SEL1L3: variants seen among roughly 807,000 people sequenced by gnomAD.
SEL1L3 encodes the protein SEL1L family member 3.
In SEL1L3, 76 loss-of-function variants were observed where a neutral mutation model predicts 142.8. The observed-to-expected ratio is 0.53, with a 90% CI of 0.44 to 0.64. SEL1L3 has a LOEUF of 0.64. Among genes scored for constraint, SEL1L3 ranks in the 30% least tolerant of loss-of-function variants. SEL1L3 has a pLI of 0.00. For synonymous variants in SEL1L3, 504 were observed against 519.6 expected, an observed-to-expected ratio of 0.97 and a Z score of 0.41; for missense variants, 1,262 against 1,381.7, an observed-to-expected ratio of 0.91 and a Z score of 1.37.
chr4:25,768,075 G>T (rs1718882136), intron 17 of SEL1L3, among the ~76,000 whole-genome samples: 1 of 152,162 alleles, frequency 6.6e-6, no homozygotes, highest in Admixed American at 6.5e-5. Flanking sequence ...ACCTCTACTG[G>T]CTGAAGGGCA....
intron 2 of SEL1L3, among the ~76,000 whole-genome samples, chr4:25,845,360 G>A (rs1716442645): frequency 6.6e-6 from 1 of 152,200 alleles, no homozygotes; most frequent in Admixed American, 6.5e-5. Context: ...ACTGGGTGTG[G>A]TGGTACATGC....
chr4:25,809,296 C>T (rs997456708), intron 9 of SEL1L3, among the ~76,000 whole-genome samples: 13 of 140,168 alleles, frequency 9.3e-5, no homozygotes, highest in African/African-American at 5.7e-5. Context: ...GGATGCACAC[C>T]GTGCTTGGCT....
chr4:25,856,835 T>A (rs1486844508), intron 1 of SEL1L3, among the ~76,000 whole-genome samples: 2 of 152,216 alleles, frequency 1.3e-5, no homozygotes, highest in African/African-American at 4.8e-5. Context: ...AACCCTCCCT[T>A]GCTCAAAGAG....
Position 25,788,227 on chromosome 4 carries a change from G to C in SEL1L3, c.2214C>G (p.Phe738Leu). Residue 738 changes from phenylalanine (F) to leucine (L), a missense_variant, in exon 13 of 24, where the codon TTC (phenylalanine) becomes TTG (leucine). Phe to Leu is a conservative substitution (Grantham distance 22, BLOSUM62 0). Around this residue, in one of 3 missense-constraint regions of SEL1L3, gnomAD observed 435 missense variants for 559.2 expected, o/e 0.78. Coordinates refer to ENST00000399878, the MANE Select transcript of SEL1L3 (RefSeq NM_015187.5). The surrounding 1 kb of genome is among the most constrained non-coding windows in gnomAD (Gnocchi z 5.3). ...ALIYDYAIVLFKGQGVKKNRR... is the reference protein window; with the variant it reads ...ALIYDYAIVLLKGQGVKKNRR... ...GCACGAATTAAGTGATTCTTACCTT[G>C]AATAGCACAATGGCATAGTCATAGA... The C allele has an allele frequency of 6.2e-7, 1 of 1,613,502 alleles. No individual in the cohort carries two copies. Among genetic ancestry groups the C allele is most frequent in the African/African-American group, 1.3e-5 (1 of 75,038 alleles).
chr4:25,769,167 A>AC (rs1364124100), intron 17 of SEL1L3, among the ~76,000 whole-genome samples: 1 of 152,184 alleles, frequency 6.6e-6, no homozygotes, highest in Non-Finnish European at 1.5e-5. Flanking sequence ...GGTTTAGGAA[A>AC]CGGTGGGGAA....
intron 13 of SEL1L3, 132 bp from the exon 14 acceptor site, chr4:25,784,422 G>A (rs913454030): frequency 1.2e-5 from 9 of 721,472 alleles, no homozygotes; most frequent in African/African-American, 3.5e-5. Flanking sequence ...CAAGCTTAGG[G>A]ATTTCTATAG....
chr4:25,757,468 A>C, intron 23 of SEL1L3, 66 bp downstream of exon 23: 1 of 976,868 alleles, frequency 1.0e-6, no homozygotes, highest in Middle Eastern at 3.2e-4. Context: ...AAAAAAAAAA[A>C]AAAAAAAAAA....
intron 15 of SEL1L3, among the ~76,000 whole-genome samples, 186 bp from the exon 16 acceptor site, chr4:25,779,389 C>G (rs540020464): frequency 6.6e-6 from 1 of 152,308 alleles, no homozygotes; most frequent in East Asian, 1.9e-4. Flanking sequence ...AGATGTATGA[C>G]CTTGCCTCAT....
the SEL1L3 span, among the ~76,000 whole-genome samples, chr4:25,729,381 C>T: frequency 2.0e-5 from 3 of 152,318 alleles, no homozygotes; most frequent in Non-Finnish European, 4.4e-5. Flanking sequence ...CGTGACCACC[C>T]TTCATGAGTA....
chr4:25,814,826 G>T (rs1714277217), intron 9 of SEL1L3, among the ~76,000 whole-genome samples: 1 of 150,924 alleles, frequency 6.6e-6, no homozygotes, highest in South Asian at 2.1e-4. Context: ...TTGTTAGGAA[G>T]CTGGGTGCAA....
At chr4:25,755,409 T>C (rs2109116067) in intron 23 of SEL1L3, among the ~76,000 whole-genome samples, 1 of 152,222 alleles carries the variant, frequency 6.6e-6, no homozygotes, top group Middle Eastern at 3.4e-3. Context: ...GGTCTCCTGG[T>C]CTTTATTTCT....
chr4:25,741,532 A>G, the SEL1L3 span, among the ~76,000 whole-genome samples: 11,738 of 152,022 alleles, frequency 0.077, 563 homozygotes, highest in African/African-American at 0.13. Flanking sequence ...TTCTCCTTCC[A>G]TGGATTGTTC....
At chr4:25,738,398 T>C in the SEL1L3 span, among the ~76,000 whole-genome samples, 1 of 152,100 alleles carries the variant, frequency 6.6e-6, no homozygotes, top group Non-Finnish European at 1.5e-5. Context: ...GCAGTACAGG[T>C]TTTGTCTGTC....
At chr4:25,757,453 A>T in intron 23 of SEL1L3, 81 bp downstream of exon 23, 1 of 919,304 alleles carries the variant, frequency 1.1e-6, no homozygotes, top group Non-Finnish European at 1.5e-6. Context: ...TTTTTCCAGT[A>T]GACCAAAAAA....
intron 23 of SEL1L3, among the ~76,000 whole-genome samples, chr4:25,749,036 G>T (rs1303301331): frequency 6.6e-6 from 1 of 152,156 alleles, no homozygotes; most frequent in East Asian, 1.9e-4. Context: ...AGTGATTAGA[G>T]CCCCAGTGAT....
chr4:25,826,526 C>T lies in SEL1L3; in HGVS notation c.1157+3572G>A, dbSNP rs550546892. Among the ~76,000 whole-genome samples, 3 of 152,172 alleles carry T rather than the reference C, an allele frequency of 2.0e-5. No homozygotes were observed. The South Asian group carries it at 6.2e-4, about 32-fold the overall frequency. On this transcript the variant is annotated intron_variant, in intron 6 of 23. Transcript: ENST00000399878. ...CCAAATACCTGACTACAGGAACCCC[C>T]GGGGGACTCTGGACAGCTCCCTCTG... is the stretch of plus-strand genomic sequence containing the variant.
intron 6 of SEL1L3, among the ~76,000 whole-genome samples, chr4:25,822,382 A>C (rs2109262520): frequency 6.6e-6 from 1 of 152,252 alleles, no homozygotes; most frequent in South Asian, 2.1e-4. Context: ...GTCAAATGAT[A>C]GTTCTCCACT....
Position 25,788,575 on chromosome 4 carries a change from T to C in SEL1L3, c.2077-211A>G, listed in dbSNP as rs1363584182. Among the ~76,000 whole-genome samples, 4 of 32,632 alleles carry C rather than the reference T, an allele frequency of 1.2e-4. No homozygotes were observed. Among genetic ancestry groups the C allele is most frequent in the Non-Finnish European group, 2.4e-4 (4 of 16,552 alleles). The allele number at this position is 32,632 out of a possible 152,430, so 21.4% of individuals were successfully genotyped here. On this transcript the variant is annotated intron_variant, in intron 12 of 23. Transcript: ENST00000399878. The surrounding 1 kb of genome is among the most constrained non-coding windows in gnomAD (Gnocchi z 5.3). ...ATGCAAGCCAGAAATGGTTCGTGTG[T>C]GTGTGTGTGTGTGTGTGTGTGTGTG...
chr4:25,861,728 G>T (rs1233289107), intron 1 of SEL1L3: 2 of 150,676 alleles, frequency 1.3e-5, no homozygotes, highest in African/African-American at 4.9e-5. Flanking sequence ...TATATGGCGA[G>T]ATAACCCAAG....
Sources: allele counts gnomAD v4.1 joint callset (sites outside exome capture counted in the v4.1 genomes callset), GRCh38; gene constraint gnomAD v4.1.1; regional missense constraint gnomAD v4.1.1; non-coding constraint Gnocchi (gnomAD v3.1); transcripts MANE v1.5; gene names NCBI Gene and HGNC (gene_info 2026-07-23, HGNC 2026-07-21).